WIF1: variants seen among roughly 807,000 people sequenced by gnomAD.
The protein encoded by WIF1 is Wnt inhibitory factor 1.
Under a neutral mutation model 53.5 loss-of-function variants are expected in WIF1, and 35 were observed. The observed-to-expected ratio is 0.65, with a 90% CI of 0.50 to 0.87. The LOEUF (loss-of-function observed/expected upper bound fraction) is 0.87, where lower values mean the gene tolerates loss of function less well. Ranked by LOEUF, WIF1 falls within the 40% of genes least tolerant of loss-of-function variation. The pLI, the probability that WIF1 is intolerant of heterozygous loss-of-function variation, is 0.00. For missense variants in WIF1, 467 were observed against 476.8 expected, an observed-to-expected ratio of 0.98 and a Z score of 0.19; for synonymous variants, 171 against 170.4, an observed-to-expected ratio of 1.00 and a Z score of -0.03.
At chr12:65,093,371 GT>G (rs199898594) in intron 2 of WIF1, among the ~76,000 whole-genome samples, 3 of 151,856 alleles carry the variant, frequency 2.0e-5, no homozygotes, top group South Asian at 4.2e-4. Context: ...CTCATAGTCT[GT>G]TTTTTTTGTT....
intron 2 of WIF1, among the ~76,000 whole-genome samples, chr12:65,093,072 G>A (rs1343856486): frequency 6.6e-6 from 1 of 152,106 alleles, no homozygotes; most frequent in African/African-American, 2.4e-5. Context: ...CACAGAAGAG[G>A]AGATTTTAAT....
chr12:65,113,323 G>A (rs535133048), intron 2 of WIF1, among the ~76,000 whole-genome samples: 2 of 152,256 alleles, frequency 1.3e-5, no homozygotes, highest in African/African-American at 4.8e-5. Context: ...TTATTCATCA[G>A]GGACAGTTAA....
intron 3 of WIF1, among the ~76,000 whole-genome samples, chr12:65,074,447 G>T (rs1882827564): frequency 6.6e-6 from 1 of 151,904 alleles, no homozygotes; most frequent in Non-Finnish European, 1.5e-5. Flanking sequence ...GAGGTGTTAT[G>T]TACTTATTTT....
Position 65,051,457 on chromosome 12 carries a change from G to A in WIF1, c.1032C>T (p.Ser344=). Reference sequence around the variant, plus strand: ...CTGCTGGCCTCAGGGCATGTATGAGGCTGGCTTCGTACCCTGCAAAATTAT... The same window carrying A: ...CTGCTGGCCTCAGGGCATGTATGAGACTGGCTTCGTACCCTGCAAAATTAT... ...GRHCNKRYEA[S]LIHALRPAGA... Residue 344 remains serine, a synonymous_variant, in exon 10 of 10, where the codon AGC becomes AGT. Transcript: ENST00000286574. The A allele has an allele frequency of 1.5e-5, 24 of 1,609,964 alleles. No individual in the cohort carries two copies. Among genetic ancestry groups the A allele is most frequent in the Non-Finnish European group, 2.0e-5 (24 of 1,178,332 alleles).
chr12:65,058,321 G>A (rs142525057), intron 7 of WIF1, among the ~76,000 whole-genome samples: 319 of 152,276 alleles, frequency 2.1e-3, no homozygotes, highest in Non-Finnish European at 2.9e-3. Flanking sequence ...AAAAGACAGC[G>A]TACTCATATG....
chr12:65,102,758 T>A (rs750109716), intron 2 of WIF1, among the ~76,000 whole-genome samples: 1 of 152,188 alleles, frequency 6.6e-6, no homozygotes, highest in Admixed American at 6.6e-5. Context: ...ACAAGCACCC[T>A]GAGTCCTTGC....
intron 2 of WIF1, among the ~76,000 whole-genome samples, chr12:65,110,314 A>AT (rs1393452403): frequency 6.8e-6 from 1 of 146,018 alleles, no homozygotes; most frequent in Admixed American, 7.0e-5. Context: ...CCTCATTAAC[A>AT]TTTCCCAGAA....
At position 65,082,462 on chromosome 12, in the gene WIF1, G is replaced by T. The variant is rs190754566; in HGVS notation, c.289-4608C>A. Among the ~76,000 whole-genome samples, 94 of 152,246 alleles carry T rather than the reference G, an allele frequency of 6.2e-4. 2 individuals carry two copies. Among genetic ancestry groups the T allele is most frequent in the Admixed American group, 6.1e-3 (93 of 15,290 alleles). On this transcript the variant is annotated intron_variant, in intron 2 of 9. Coordinates refer to ENST00000286574, the MANE Select transcript of WIF1 (RefSeq NM_007191.5). The stretch of plus-strand genomic sequence containing the variant: ...AATTATTTGGGAAACACATGAAAAG[G>T]TTGCTTTGTATTCAAACAAAGAATG...
intron 2 of WIF1, among the ~76,000 whole-genome samples, chr12:65,097,458 C>A (rs935572515): frequency 1.8e-4 from 28 of 152,120 alleles, no homozygotes; most frequent in Non-Finnish European, 3.8e-4. Context: ...GAGTCACCCC[C>A]AAAGCAGAAA....
At chr12:65,106,132 G>T (rs1883347680) in intron 2 of WIF1, among the ~76,000 whole-genome samples, 1 of 152,126 alleles carries the variant, frequency 6.6e-6, no homozygotes, top group African/African-American at 2.4e-5. Flanking sequence ...CACAGAATTA[G>T]CTGGTCTTTG....
chr12:65,069,015 T>C, intron 3 of WIF1, 111 bp from the exon 4 acceptor site: 17 of 1,223,766 alleles, frequency 1.4e-5, no homozygotes, highest in Non-Finnish European at 1.9e-5. Flanking sequence ...GTTCACATGT[T>C]GTGGATTTCC....
rs1361424657 is a variant in WIF1, at chr12:65,050,925, T to C, written c.*424A>G. ...TTTAAAAATGTAACAAACATCTAAATATCTGACAATAAAATCTGAAATGCT... is the reference window on the plus strand; with the variant it reads ...TTTAAAAATGTAACAAACATCTAAACATCTGACAATAAAATCTGAAATGCT... On this transcript the variant is annotated 3_prime_UTR_variant, in exon 10 of 10. Coordinates refer to ENST00000286574, the MANE Select transcript of WIF1 (RefSeq NM_007191.5). The C allele has an allele frequency of 4.4e-6, 1 of 227,212 alleles. No individual in the cohort carries two copies. The highest frequency in any genetic ancestry group is 8.7e-6 in the Non-Finnish European group (1 of 114,414). 14.1% of individuals were successfully genotyped at this position (227,212 alleles called of 1,614,324 possible).
At chr12:65,118,185 T>C (rs1247233346) in intron 2 of WIF1, among the ~76,000 whole-genome samples, 2 of 152,360 alleles carry the variant, frequency 1.3e-5, no homozygotes, top group Non-Finnish European at 2.9e-5. Flanking sequence ...AAATATTTGA[T>C]ATCATTTGGA....
chr12:65,088,041 CATT>C (rs1429302858), intron 2 of WIF1, among the ~76,000 whole-genome samples: 3 of 152,112 alleles, frequency 2.0e-5, no homozygotes, highest in Non-Finnish European at 2.9e-5. Flanking sequence ...CTCATACATG[CATT>C]ATTCATTCTG....
At chr12:65,113,772 T>C (rs1325265681) in intron 2 of WIF1, among the ~76,000 whole-genome samples, 1 of 152,148 alleles carries the variant, frequency 6.6e-6, no homozygotes, top group African/African-American at 2.4e-5. Flanking sequence ...TACCACAGCA[T>C]AGCAGAATCT....
chr12:65,074,571 A>G (rs1882829119), intron 3 of WIF1, among the ~76,000 whole-genome samples: 1 of 152,082 alleles, frequency 6.6e-6, no homozygotes, highest in Non-Finnish European at 1.5e-5. Context: ...TAATCCCAAC[A>G]CTTTGGGAGG....
chr12:65,062,720 TACAAA>T, intron 6 of WIF1, 144 bp from the exon 7 acceptor site: 1 of 746,442 alleles, frequency 1.3e-6, no homozygotes, highest in Non-Finnish European at 2.2e-6. Flanking sequence ...GCTTTACAAA[TACAAA>T]ATTTGTACCA....
Position 65,094,901 on chromosome 12 carries a change from CTTATTTATTTATTTATTTA to C in WIF1, c.289-17066_289-17048del, listed in dbSNP as rs1046235922. 6.2e-4 allele frequency among the ~76,000 whole-genome samples: 83 copies of C among 134,292 alleles called. 1 individual carries two copies. In the Middle Eastern group the frequency reaches 0.011, roughly 18 times the overall value. The allele number at this position is 134,292 out of a possible 152,430, so 88.1% of individuals were successfully genotyped here. ...CCTCCTCCTCCTCCTTCCTCTTCTT[CTTATTTATTTATTTATTTA>C]TTTATTTATTTATTTATTTATTTAT... On this transcript the variant is annotated intron_variant, in intron 2 of 9. Coordinates refer to ENST00000286574, the MANE Select transcript of WIF1 (RefSeq NM_007191.5).
At chr12:65,090,014 G>A (rs1883099308) in intron 2 of WIF1, among the ~76,000 whole-genome samples, 1 of 152,108 alleles carries the variant, frequency 6.6e-6, no homozygotes, top group Non-Finnish European at 1.5e-5. Context: ...AAAAAAATAG[G>A]TAACTCACCT....
Sources: allele counts gnomAD v4.1 joint callset (sites outside exome capture counted in the v4.1 genomes callset), GRCh38; gene constraint gnomAD v4.1.1; transcripts MANE v1.5; gene names NCBI Gene and HGNC (gene_info 2026-07-23, HGNC 2026-07-21).